TMCC3: variants seen among roughly 807,000 people sequenced by gnomAD.
TMCC3 encodes transmembrane and coiled-coil domain family 3.
A neutral mutation model predicts 40.2 loss-of-function variants in TMCC3; 28 were observed. That is an observed-to-expected ratio of 0.70 (90% CI 0.52 to 0.95). The LOEUF (loss-of-function observed/expected upper bound fraction) is 0.95, where lower values mean the gene tolerates loss of function less well. Ranked by LOEUF, TMCC3 falls within the 40% of genes least tolerant of loss-of-function variation. The probability of loss-of-function intolerance (pLI) is 0.00; values close to 1 mark genes in which losing one functional copy is unlikely to be tolerated. For synonymous variants in TMCC3, 255 were observed against 248.5 expected (o/e 1.03, Z -0.25); for missense variants, 554 against 615.2 (o/e 0.90, Z 1.05).
At chr12:94,647,721 T>C in intron 1 of TMCC3, among the ~76,000 whole-genome samples, 1 of 152,346 alleles carries the variant, frequency 6.6e-6, no homozygotes, top group African/African-American at 2.4e-5. Context: ...CAGGAAAACA[T>C]ATCTTTACAG....
intron 1 of TMCC3, among the ~76,000 whole-genome samples, chr12:94,595,565 T>G (rs2068710690): frequency 6.6e-6 from 1 of 152,220 alleles, no homozygotes; most frequent in South Asian, 2.1e-4. Flanking sequence ...TCATTTATTT[T>G]TTGGTAGTAT....
chr12:94,609,484 T>C (rs2068802281), intron 1 of TMCC3, among the ~76,000 whole-genome samples: 1 of 152,226 alleles, frequency 6.6e-6, no homozygotes, highest in Admixed American at 6.5e-5. Flanking sequence ...TCAGAACTTC[T>C]GCTGCTCTGA....
intron 3 of TMCC3, among the ~76,000 whole-genome samples, chr12:94,577,311 C>T (rs186703879): frequency 2.6e-5 from 4 of 152,074 alleles, no homozygotes; most frequent in Non-Finnish European, 5.9e-5. Context: ...GCCTCAGCCT[C>T]CCGAGTAGCT....
chr12:94,582,965 CTTTTTTTTTTTTTTTTTT>C, intron 1 of TMCC3, among the ~76,000 whole-genome samples: 1 of 59,946 alleles, frequency 1.7e-5, no homozygotes, highest in Admixed American at 1.8e-4. Context: ...GAAGGAGAAT[CTTTTTTTTTTTTTTTTTT>C]TTTTTTTTTT....
chr12:94,650,061 G>A (rs2069046076), intron 1 of TMCC3, among the ~76,000 whole-genome samples: 1 of 152,120 alleles, frequency 6.6e-6, no homozygotes, highest in African/African-American at 2.4e-5. Context: ...TCCCTGGCGG[G>A]GAGGACAGCA....
chr12:94,577,361 T>C (rs2068571828), intron 3 of TMCC3, among the ~76,000 whole-genome samples: 1 of 152,100 alleles, frequency 6.6e-6, no homozygotes, highest in South Asian at 2.1e-4. Flanking sequence ...GCTAATTTTT[T>C]GTATTTTTAG....
At position 94,650,529 on chromosome 12, in the gene TMCC3, G is replaced by A; in HGVS notation, c.-99C>T. ...CACCCTGGGAGCCGCGGGCGAGGGG[G>A]CGGCGCGGCTGCTGCAGCTGTTGCC... On this transcript the variant is annotated 5_prime_UTR_variant, in exon 1 of 4. Coordinates refer to ENST00000261226, the MANE Select transcript of TMCC3 (RefSeq NM_020698.4). The A allele has an allele frequency of 4.0e-6, 4 of 992,064 alleles. No individual in the cohort carries two copies. The highest frequency in any genetic ancestry group is 5.1e-6 in the Non-Finnish European group (4 of 780,220). 61.5% of individuals were successfully genotyped at this position (992,064 alleles called of 1,614,324 possible). A position where few individuals can be genotyped will look rare whatever the true frequency, so the allele number is the denominator to read the frequency against.
At chr12:94,572,330 A>ATTTTT (rs1178986394) in intron 3 of TMCC3, among the ~76,000 whole-genome samples, 1,574 of 82,782 alleles carry the variant, frequency 0.019, 159 homozygotes, top group African/African-American at 0.027. Context: ...TTTTTTTTTG[A>ATTTTT]GACAGAGTTT....
At chr12:94,594,240 G>A (rs2068701992) in intron 1 of TMCC3, among the ~76,000 whole-genome samples, 1 of 149,214 alleles carries the variant, frequency 6.7e-6, no homozygotes, top group African/African-American at 2.6e-5. Context: ...CACAGAGTGA[G>A]AGAGAGAGAG....
chr12:94,647,103 G>GA (rs1421266178), intron 1 of TMCC3, among the ~76,000 whole-genome samples: 1 of 151,804 alleles, frequency 6.6e-6, no homozygotes, highest in Non-Finnish European at 1.5e-5. Flanking sequence ...TCTAGGGCAT[G>GA]AAAAAAAAGT....
chr12:94,589,632 G>T (rs1367560788), intron 1 of TMCC3, among the ~76,000 whole-genome samples: 1 of 150,838 alleles, frequency 6.6e-6, no homozygotes, highest in Non-Finnish European at 1.5e-5. Flanking sequence ...ATTGCCTGGG[G>T]GCACACAGCC....
At chr12:94,595,367 G>A (rs1043761948) in intron 1 of TMCC3, among the ~76,000 whole-genome samples, 2 of 152,128 alleles carry the variant, frequency 1.3e-5, no homozygotes, top group Non-Finnish European at 2.9e-5. Context: ...CCTGCACTGC[G>A]ACTTCCCCAT....
chr12:94,594,702 GAA>G (rs901385952), intron 1 of TMCC3, among the ~76,000 whole-genome samples: 7 of 152,180 alleles, frequency 4.6e-5, no homozygotes, highest in Non-Finnish European at 8.8e-5. Flanking sequence ...AGAGAGCAGA[GAA>G]AAGAGGCCAA....
chr12:94,619,557 A>G (rs2068864441), intron 1 of TMCC3, among the ~76,000 whole-genome samples: 1 of 152,218 alleles, frequency 6.6e-6, no homozygotes, highest in Non-Finnish European at 1.5e-5. Context: ...AGCTGAGCCC[A>G]GGAATCCTTC....
chr12:94,646,429 AC>A (rs1290418286), intron 1 of TMCC3, among the ~76,000 whole-genome samples: 3 of 126,504 alleles, frequency 2.4e-5, no homozygotes, highest in Non-Finnish European at 4.9e-5. Context: ...GAAAGCACAC[AC>A]CTTTTTTTTT....
intron 3 of TMCC3, 105 bp from the exon 4 acceptor site, chr12:94,571,842 G>A: frequency 3.4e-6 from 4 of 1,184,054 alleles, no homozygotes; most frequent in Non-Finnish European, 4.8e-6. Context: ...AAAGCCCAAT[G>A]CCCAGGCGGC....
chr12:94,605,054 T>C (rs1039486289), intron 1 of TMCC3, among the ~76,000 whole-genome samples: 1 of 152,016 alleles, frequency 6.6e-6, no homozygotes, highest in Non-Finnish European at 1.5e-5. Flanking sequence ...AATCAAGGCA[T>C]GATTGAGGGC....
chr12:94,637,518 C>T (rs1408387888), intron 1 of TMCC3, among the ~76,000 whole-genome samples: 1 of 152,156 alleles, frequency 6.6e-6, no homozygotes, highest in East Asian at 1.9e-4. Flanking sequence ...CAAAGTTTAC[C>T]AGTGTTGTTC....
At chr12:94,647,055 A>G (rs2069023658) in intron 1 of TMCC3, among the ~76,000 whole-genome samples, 1 of 152,176 alleles carries the variant, frequency 6.6e-6, no homozygotes, top group Non-Finnish European at 1.5e-5. Flanking sequence ...TAGAAAGCAG[A>G]CGGCCTGTAT....
Sources: allele counts gnomAD v4.1 joint callset (sites outside exome capture counted in the v4.1 genomes callset), GRCh38; gene constraint gnomAD v4.1.1; transcripts MANE v1.5; gene names NCBI Gene and HGNC (gene_info 2026-07-23, HGNC 2026-07-21).